Variants in PARVA observed in about 807,000 individuals in gnomAD.
The protein encoded by PARVA is parvin alpha, also known as alpha-parvin.
A neutral mutation model predicts 52.6 loss-of-function variants in PARVA; 25 were observed. The ratio of observed to expected loss-of-function variants is 0.48; its 90% CI spans 0.35 to 0.66. The LOEUF (loss-of-function observed/expected upper bound fraction) is 0.66. PARVA is among the 30% of genes least tolerant of loss of function. The pLI, the probability that PARVA is intolerant of heterozygous loss-of-function variation, is 0.01. For synonymous variants in PARVA, 185 were observed against 179.1 expected (o/e 1.03, Z -0.26); for missense variants, 373 against 450.9 (o/e 0.83, Z 1.56).
intron 1 of PARVA, among the ~76,000 whole-genome samples, chr11:12,418,937 A>G (rs573023096): frequency 6.6e-6 from 1 of 152,332 alleles, no homozygotes; most frequent in African/African-American, 2.4e-5. Flanking sequence ...TAATCCTCAC[A>G]ATGGTTTATG....
chr11:12,389,488 AC>A (rs1407534421), intron 1 of PARVA, among the ~76,000 whole-genome samples: 1 of 152,054 alleles, frequency 6.6e-6, no homozygotes. Context: ...TCTTGGACTT[AC>A]CCCAAACTTG....
At chr11:12,513,595 C>A (rs1458216242) in intron 9 of PARVA, 6 of 666,848 alleles carry the variant, frequency 9.0e-6, no homozygotes, top group Non-Finnish European at 1.7e-5. Context: ...CCCAGGCTAA[C>A]CCCAGCAATC....
chr11:12,527,742 G>A (rs1253872816), intron 12 of PARVA, 107 bp from the exon 13 acceptor site: 3 of 850,586 alleles, frequency 3.5e-6, no homozygotes, highest in Non-Finnish European at 6.1e-6. Context: ...CCCCGAACAT[G>A]CTGGGTACAT....
intron 12 of PARVA, among the ~76,000 whole-genome samples, chr11:12,524,457 C>A (rs1326978002): frequency 6.6e-6 from 1 of 152,146 alleles, no homozygotes; most frequent in Non-Finnish European, 1.5e-5. Flanking sequence ...CAGAACTCAC[C>A]CACCTTTCAA....
At chr11:12,377,414 A>AG (rs1410215213), upstream of PARVA, 1 of 1,369,458 alleles carries the variant, frequency 7.3e-7, no homozygotes, top group East Asian at 3.1e-5. Flanking sequence ...GGGGCAACCC[A>AG]GGGGCGCAAG....
At chr11:12,444,094 C>T (rs918188403) in intron 1 of PARVA, among the ~76,000 whole-genome samples, 2 of 152,146 alleles carry the variant, frequency 1.3e-5, no homozygotes, top group Non-Finnish European at 2.9e-5. Flanking sequence ...CCTACCCACC[C>T]CCTAACCCCC....
chr11:12,473,770 G>T lies in PARVA; in HGVS notation c.162G>T (p.Met54Ile). The T allele has an allele frequency of 6.4e-7, 1 of 1,568,332 alleles. No individual in the cohort carries two copies. Among genetic ancestry groups the T allele is most frequent in the Non-Finnish European group, 8.7e-7 (1 of 1,155,692 alleles). Reference sequence around the variant, plus strand: ...TGTCCGAGCTGCAGGAGGAGGGAATGAACGCCATCAACCTGCCCCTCAGCC... The same window carrying T: ...TGTCCGAGCTGCAGGAGGAGGGAATTAACGCCATCAACCTGCCCCTCAGCC... ...KEVSELQEEG[M>I]NAINLPLSPI... Residue 54 changes from methionine (M) to isoleucine (I), a missense_variant, in exon 2 of 13, where the codon ATG becomes ATT. By Grantham distance (10) the Met-to-Ile change is conservative. Transcript: ENST00000334956.
rs115787792 is a variant in PARVA at position 12,526,260 on chromosome 11, A to T, written c.1043-1589A>T. Among the ~76,000 whole-genome samples, 1,011 of 152,224 alleles carry T rather than the reference A, an allele frequency of 6.6e-3. 11 individuals are homozygous for T. The highest frequency in any genetic ancestry group is 0.023 in the African/African-American group (936 of 41,526). The stretch of plus-strand genomic sequence containing the variant: ...TTTTTTTAAAAGTCCCAAGGCTAAG[A>T]CCTGGGAGCCCCTGGCTCCCCACTC... On this transcript the variant is annotated intron_variant, in intron 12 of 12. Transcript: ENST00000334956.
chr11:12,434,324 T>A (rs1441572574), intron 1 of PARVA, among the ~76,000 whole-genome samples: 1 of 152,216 alleles, frequency 6.6e-6, no homozygotes, highest in Non-Finnish European at 1.5e-5. Flanking sequence ...AAATTCTGCA[T>A]TCCCACTGCT....
intron 1 of PARVA, among the ~76,000 whole-genome samples, chr11:12,429,819 A>G (rs1446151668): frequency 1.3e-5 from 2 of 152,216 alleles, no homozygotes; most frequent in African/African-American, 4.8e-5. Context: ...TAGCGTTCCA[A>G]TAATGGAACA....
chr11:12,395,071 A>C lies in PARVA; in HGVS notation c.136+17288A>C, dbSNP rs571094283. 1.7e-4 allele frequency among the ~76,000 whole-genome samples: 26 copies of C among 150,260 alleles called. 1 individual carries two copies. In the South Asian group the frequency reaches 5.5e-3, roughly 32 times the overall value. ...AGGCCATTGCACTCCAGCCTGGGCAACTGGAGCGAAACTCCATCTCAAAAA... is the reference window on the plus strand; with the variant it reads ...AGGCCATTGCACTCCAGCCTGGGCACCTGGAGCGAAACTCCATCTCAAAAA... On this transcript the variant is annotated intron_variant, in intron 1 of 12. Coordinates refer to ENST00000334956, the MANE Select transcript of PARVA (RefSeq NM_018222.5).
intron 1 of PARVA, among the ~76,000 whole-genome samples, chr11:12,444,614 T>G (rs532263266): frequency 2.0e-5 from 3 of 152,128 alleles, no homozygotes; most frequent in Admixed American, 2.0e-4. Context: ...CCAGCTATTT[T>G]TTAAATTTTT....
In PARVA at chr11:12,430,358, C is replaced by G. The variant is rs1940299810; in HGVS notation, c.137-43387C>G. On this transcript the variant is annotated intron_variant, in intron 1 of 12. Coordinates refer to ENST00000334956, the MANE Select transcript of PARVA (RefSeq NM_018222.5). ...TAATAACTGTATTTAACAACTGGCTCCCTGAATCCCTGAAAATTTAACATT... is the reference window on the plus strand; with the variant it reads ...TAATAACTGTATTTAACAACTGGCTGCCTGAATCCCTGAAAATTTAACATT... 2.6e-5 allele frequency among the ~76,000 whole-genome samples: 4 copies of G among 152,176 alleles called. No homozygotes were observed. In the South Asian group the frequency reaches 8.3e-4, roughly 32 times the overall value.
chr11:12,444,977 C>T (rs1940525086), intron 1 of PARVA, among the ~76,000 whole-genome samples: 1 of 152,110 alleles, frequency 6.6e-6, no homozygotes. Context: ...AAGGGGCTGG[C>T]AAAGTAGCCA....
intron 1 of PARVA, among the ~76,000 whole-genome samples, chr11:12,445,763 G>A (rs1018497774): frequency 6.6e-6 from 1 of 152,058 alleles, no homozygotes; most frequent in African/African-American, 2.4e-5. Context: ...CATACATATG[G>A]GGGCCATATG....
intron 12 of PARVA, among the ~76,000 whole-genome samples, chr11:12,526,433 A>G (rs1463995192): frequency 1.3e-5 from 2 of 152,112 alleles, no homozygotes; most frequent in African/African-American, 2.4e-5. Flanking sequence ...TTAATCACCT[A>G]CTTCATCTGA....
At chr11:12,485,105 C>T (rs1322482238) in intron 4 of PARVA, among the ~76,000 whole-genome samples, 1 of 152,212 alleles carries the variant, frequency 6.6e-6, no homozygotes, top group Non-Finnish European at 1.5e-5. Flanking sequence ...TGAGCCACCT[C>T]ACCCAGCCAG....
At chr11:12,417,023 G>T (rs767352926) in intron 1 of PARVA, among the ~76,000 whole-genome samples, 1 of 152,134 alleles carries the variant, frequency 6.6e-6, no homozygotes, top group Admixed American at 6.5e-5. Context: ...ACTTATAATG[G>T]AGAACTGTGT....
chr11:12,379,968 T>A (rs182318268), intron 1 of PARVA, among the ~76,000 whole-genome samples: 1 of 152,310 alleles, frequency 6.6e-6, no homozygotes, highest in African/African-American at 2.4e-5. Flanking sequence ...TAACCATCTT[T>A]ACCTACTCTG....
Sources: gnomAD v4.1 joint callset for allele counts (sites outside exome capture counted in the v4.1 genomes callset) on GRCh38, gnomAD v4.1.1 for gene constraint, MANE v1.5 for transcripts, NCBI Gene and HGNC (gene_info 2026-07-23, HGNC 2026-07-21) for gene names.